SEL1L2: variants seen among roughly 807,000 people sequenced by gnomAD.
SEL1L2 encodes the protein protein sel-1 homolog 2.
Under a neutral mutation model 98.8 loss-of-function variants are expected in SEL1L2, and 89 were observed. The ratio of observed to expected loss-of-function variants is 0.90; its 90% CI spans 0.76 to 1.07. The LOEUF (loss-of-function observed/expected upper bound fraction) is 1.07, where lower values mean the gene tolerates loss of function less well. SEL1L2 is among the 50% of genes least tolerant of loss of function. SEL1L2 has a pLI of 0.00. For synonymous variants in SEL1L2, 262 were observed against 278.5 expected (o/e 0.94, Z 0.59); for missense variants, 788 against 812.0 (o/e 0.97, Z 0.36).
chr20:13,900,683 A>G, intron 5 of SEL1L2, among the ~76,000 whole-genome samples: 1 of 152,138 alleles, frequency 6.6e-6, no homozygotes, highest in East Asian at 1.9e-4. Context: ...CCCTCTCTAC[A>G]CGCAATGATT....
At position 13,940,572 on chromosome 20, in the gene SEL1L2, CTGAT is replaced by C. The variant is rs1381827708; in HGVS notation, c.115-8805_115-8802del. Among the ~76,000 whole-genome samples the C allele has an allele frequency of 1.6e-4, 24 of 152,262 alleles. 1 individual carries two copies. Among genetic ancestry groups the C allele is most frequent in the Non-Finnish European group, 4.4e-5 (3 of 68,012 alleles). On this transcript the variant is annotated intron_variant, in intron 2 of 19. Transcript: ENST00000284951. ...ATATTGCGATCCTAGGAGACAAGCT[CTGAT>C]TGATGTTTTAGAACAAAAGACTATT...
At chr20:13,915,121 C>T in intron 4 of SEL1L2, 1 of 1,289,446 alleles carries the variant, frequency 7.8e-7, no homozygotes, top group African/African-American at 1.5e-5. Flanking sequence ...GGAGACTCAC[C>T]TTTATGTACA....
In SEL1L2 at chr20:13,918,904, G is replaced by A. The variant is rs113398334; in HGVS notation, c.386+117C>T. 7.0e-5 allele frequency: 46 copies of A among 661,322 alleles called. No individual in the cohort carries two copies. In the African/African-American group the frequency reaches 7.8e-4, roughly 11 times the overall value. 41.0% of individuals were successfully genotyped at this position (661,322 alleles called of 1,614,324 possible). On this transcript the variant is annotated intron_variant, in intron 4 of 19. Coordinates refer to ENST00000284951, the MANE Select transcript of SEL1L2 (RefSeq NM_025229.2). ...GATCCTTTTAAAAACAATAGTTTAT[G>A]GGCAAATAGGCTTACTCATTATCCC...
intron 5 of SEL1L2, among the ~76,000 whole-genome samples, chr20:13,901,718 T>C (rs1159845481): frequency 6.6e-6 from 1 of 151,250 alleles, no homozygotes; most frequent in African/African-American, 2.4e-5. Flanking sequence ...CTGGAGTGCA[T>C]TGGCACGATC....
chr20:13,867,690 A>G (rs1315748239), intron 14 of SEL1L2, among the ~76,000 whole-genome samples: 1 of 151,934 alleles, frequency 6.6e-6, no homozygotes, highest in East Asian at 1.9e-4. Context: ...AAATGAGTTG[A>G]GAGGGTCAAA....
chr20:13,852,989 A>T (rs1441445260), intron 18 of SEL1L2, among the ~76,000 whole-genome samples: 3 of 152,164 alleles, frequency 2.0e-5, no homozygotes, highest in African/African-American at 7.2e-5. Context: ...GAACTGAACA[A>T]ATAAGAAAAA....
chr20:13,991,205 T>C (rs1284017684), upstream of SEL1L2, among the ~76,000 whole-genome samples: 1 of 152,206 alleles, frequency 6.6e-6, no homozygotes, highest in Non-Finnish European at 1.5e-5. Flanking sequence ...CATATAAATA[T>C]TAAAAATATC....
At chr20:13,859,123 A>C (rs1989644398) in intron 18 of SEL1L2, 139 bp downstream of exon 18, 1 of 722,360 alleles carries the variant, frequency 1.4e-6, no homozygotes, top group African/African-American at 1.8e-5. Flanking sequence ...TATTGGCACA[A>C]GGGATGGATT....
intron 10 of SEL1L2, among the ~76,000 whole-genome samples, chr20:13,882,552 T>A (rs1026966061): frequency 2.0e-5 from 3 of 152,134 alleles, no homozygotes; most frequent in African/African-American, 7.2e-5. Context: ...GGGGCCCCAG[T>A]CATTCTCGCA....
chr20:13,854,291 T>A (rs923628828), intron 18 of SEL1L2, among the ~76,000 whole-genome samples: 18 of 152,202 alleles, frequency 1.2e-4, no homozygotes, highest in African/African-American at 3.9e-4. Context: ...CAAAGGATAA[T>A]TTCCCCCACC....
intron 2 of SEL1L2, among the ~76,000 whole-genome samples, chr20:13,950,921 A>C (rs1401474476): frequency 6.6e-6 from 1 of 152,188 alleles, no homozygotes; most frequent in Non-Finnish European, 1.5e-5. Flanking sequence ...GTTTCAGTTA[A>C]GATGAAGGGA....
At chr20:13,937,321 A>C (rs752710292) in intron 2 of SEL1L2, among the ~76,000 whole-genome samples, 11 of 152,172 alleles carry the variant, frequency 7.2e-5, no homozygotes, top group Non-Finnish European at 1.6e-4. Flanking sequence ...CCAAGTGTTT[A>C]TATCAGATGC....
chr20:13,958,440 T>G (rs1004042849), intron 1 of SEL1L2, among the ~76,000 whole-genome samples: 1 of 152,190 alleles, frequency 6.6e-6, no homozygotes, highest in Non-Finnish European at 1.5e-5. Context: ...ATTTCTCACC[T>G]CATGTTTTTT....
intron 12 of SEL1L2, among the ~76,000 whole-genome samples, chr20:13,872,106 C>T (rs1050803585): frequency 5.3e-5 from 8 of 152,184 alleles, no homozygotes; most frequent in Admixed American, 2.0e-4. Context: ...GGTGGTATAA[C>T]TCTGCTCTCT....
chr20:13,912,292 A>ATTTTT (rs11478603), intron 5 of SEL1L2, among the ~76,000 whole-genome samples: 5 of 111,320 alleles, frequency 4.5e-5, no homozygotes, highest in African/African-American at 6.9e-5. Flanking sequence ...TTTCTGTGGG[A>ATTTTT]TTTTTTTTTT....
intron 5 of SEL1L2, among the ~76,000 whole-genome samples, chr20:13,897,351 G>A (rs150268981): frequency 3.5e-3 from 535 of 152,258 alleles, no homozygotes; most frequent in Admixed American, 6.7e-3. Context: ...ATTTGGCAGT[G>A]ATTTCTTGGA....
intron 15 of SEL1L2, 44 bp downstream of exon 15, chr20:13,866,658 C>T: frequency 5.5e-6 from 8 of 1,454,010 alleles, no homozygotes; most frequent in Non-Finnish European, 7.3e-6. Flanking sequence ...TCCTCTGTGT[C>T]ATATATGACA....
intron 12 of SEL1L2, among the ~76,000 whole-genome samples, chr20:13,875,111 G>C (rs1734155511): frequency 6.6e-6 from 1 of 152,140 alleles, no homozygotes; most frequent in Non-Finnish European, 1.5e-5. Context: ...TTCTGTCTGG[G>C]ATGTGCTTCG....
chr20:13,994,973 T>C (rs947847320), upstream of SEL1L2: 2 of 152,244 alleles, frequency 1.3e-5, no homozygotes, highest in Non-Finnish European at 2.9e-5. Context: ...AATACTTTCA[T>C]TTCTTTTGGT....
Sources: allele counts gnomAD v4.1 joint callset (sites outside exome capture counted in the v4.1 genomes callset), GRCh38; gene constraint gnomAD v4.1.1; transcripts MANE v1.5; gene names NCBI Gene and HGNC (gene_info 2026-07-23, HGNC 2026-07-21).